The following NTN1 variants were observed in gnomAD, a reference collection of about 807,000 sequenced individuals.
NTN1 encodes the protein netrin-1.
A neutral mutation model predicts 54.2 loss-of-function variants in NTN1; 11 were observed. That is an observed-to-expected ratio of 0.20 (90% CI 0.13 to 0.34). NTN1 has a LOEUF of 0.34. Ranked by LOEUF, NTN1 falls within the 10% of genes least tolerant of loss-of-function variation. The probability of loss-of-function intolerance (pLI) is 1.00; values close to 1 mark genes in which losing one functional copy is unlikely to be tolerated. For missense variants in NTN1, 740 were observed against 893.1 expected, an observed-to-expected ratio of 0.83 and a Z score of 2.18; for synonymous variants, 371 against 382.0, an observed-to-expected ratio of 0.97 and a Z score of 0.33.
Position 9,239,731 on chromosome 17 carries a change from C to A in NTN1, c.1578C>A (p.Ser526Arg). 1 of 1,613,680 alleles carries A rather than the reference C, an allele frequency of 6.2e-7. No individual in the cohort carries two copies. The highest frequency in any genetic ancestry group is 8.5e-7 in the Non-Finnish European group (1 of 1,180,028). Reference protein sequence around the residue: ...NIISVYKQGTSRIRRGDQSLW... With the variant: ...NIISVYKQGTRRIRRGDQSLW... ...TCTCCGTGTATAAGCAGGGCACGAG[C>A]CGCATCCGCCGCGGTGACCAGAGCC... Residue 526 changes from serine (S) to arginine (R), a missense_variant, in exon 7 of 7, where the codon AGC (serine) becomes AGA (arginine). Transcript: ENST00000173229. This position sits in a 1 kb window ranked among gnomAD's most constrained non-coding sequence, Gnocchi z 5.2.
intron 2 of NTN1, among the ~76,000 whole-genome samples, chr17:9,068,058 C>G (rs16957850): frequency 0.057 from 8,648 of 152,226 alleles, 822 homozygotes; most frequent in African/African-American, 0.2. Context: ...GCCTTAGGGC[C>G]TCCCAGAATG....
In NTN1 at chr17:9,064,645, GACATCATTC is replaced by G. The variant is rs111508836; in HGVS notation, c.1018+41267_1018+41275del. 1.2e-3 allele frequency among the ~76,000 whole-genome samples: 178 copies of G among 152,292 alleles called. 2 individuals carry two copies. Among genetic ancestry groups the G allele is most frequent in the African/African-American group, 4.2e-3 (174 of 41,552 alleles). On this transcript the variant is annotated intron_variant, in intron 2 of 6. Coordinates refer to ENST00000173229, the MANE Select transcript of NTN1 (RefSeq NM_004822.3). The stretch of plus-strand genomic sequence containing the variant: ...ACACATCGTTCATAGTGTATTTCAT[GACATCATTC>G]ACATCATTCACACTGCCGAGTCACC...
rs1451009318 is a variant in NTN1 at position 9,221,370 on chromosome 17, G to A, written c.1486+128G>A. The A allele has an allele frequency of 4.1e-6, 3 of 739,470 alleles. No homozygotes were observed. The highest frequency in any genetic ancestry group is 7.3e-6 in the Non-Finnish European group (3 of 410,906). 45.8% of individuals were successfully genotyped at this position (739,470 alleles called of 1,614,324 possible). A position where few individuals can be genotyped will look rare whatever the true frequency, so the allele number is the denominator to read the frequency against. On this transcript the variant is annotated intron_variant, in intron 6 of 6. Transcript: ENST00000173229. The surrounding 1 kb of genome is among the most constrained non-coding windows in gnomAD (Gnocchi z 4.5). ...AAGACCCTGTGACCGATGGGAACTA[G>A]CCGGACGGATCCCACGCCTGGGAAT...
intron 2 of NTN1, among the ~76,000 whole-genome samples, chr17:9,029,411 CAG>C (rs2091881875): frequency 6.6e-6 from 1 of 152,144 alleles, no homozygotes. Context: ...CTGTTGCATG[CAG>C]AGAGAGCAGG....
At chr17:9,059,791 T>C (rs1443638417) in intron 2 of NTN1, among the ~76,000 whole-genome samples, 1 of 149,746 alleles carries the variant, frequency 6.7e-6, no homozygotes, top group African/African-American at 2.5e-5. Flanking sequence ...CTATTTTAAA[T>C]GACTCATTTT....
At chr17:9,068,276 G>A (rs1275257005) in intron 2 of NTN1, among the ~76,000 whole-genome samples, 1 of 152,082 alleles carries the variant, frequency 6.6e-6, no homozygotes. Flanking sequence ...TGACCTCCCA[G>A]GCTTAAGTGA....
In NTN1 at chr17:9,182,937, C is replaced by T. The variant is rs201647422; in HGVS notation, c.1379C>T (p.Thr460Met). Residue 460 changes from threonine to methionine, a missense_variant, in exon 5 of 7, where the codon ACG becomes ATG. By Grantham distance (81) the Thr-to-Met change is moderately conservative. Coordinates refer to ENST00000173229, the MANE Select transcript of NTN1 (RefSeq NM_004822.3). ...AAAGAGATCCCTGTAGCGCCGCCGA[C>T]GACTGCAGCCAGCAGCGTGGAGGAG... is the stretch of plus-strand genomic sequence containing the variant. ...PCIKIPVAPP[T>M]TAASSVEEPE... The T allele has an allele frequency of 1.2e-5, 19 of 1,614,120 alleles. No individual in the cohort carries two copies. Among genetic ancestry groups the T allele is most frequent in the Middle Eastern group, 1.6e-4 (1 of 6,062 alleles).
At chr17:9,098,876 T>C (rs1342683861) in intron 2 of NTN1, among the ~76,000 whole-genome samples, 1 of 152,254 alleles carries the variant, frequency 6.6e-6, no homozygotes, top group Non-Finnish European at 1.5e-5. Flanking sequence ...TTTAGAAATT[T>C]AAGAAAATAT....
intron 2 of NTN1, among the ~76,000 whole-genome samples, chr17:9,103,499 CT>C (rs932242328): frequency 6.6e-6 from 1 of 152,032 alleles, no homozygotes; most frequent in Non-Finnish European, 1.5e-5. Context: ...GGGCTTTTCT[CT>C]CCCTTCAGTC....
In NTN1 at chr17:9,182,864, G is replaced by A. The variant is rs554275814; in HGVS notation, c.1358-52G>A. 4.0e-5 allele frequency: 64 copies of A among 1,585,114 alleles called. No homozygotes were observed. In the East Asian group the frequency reaches 9.4e-4, roughly 23 times the overall value. On this transcript the variant is annotated intron_variant, in intron 4 of 6. Coordinates refer to ENST00000173229, the MANE Select transcript of NTN1 (RefSeq NM_004822.3). ...CATTCTAAAGTCAAAAAATCATGTCGTCTTACCTTGTTTTCTCTCCTCCCC... is the reference window on the plus strand; with the variant it reads ...CATTCTAAAGTCAAAAAATCATGTCATCTTACCTTGTTTTCTCTCCTCCCC...
chr17:9,094,988 C>CA (rs71135941), intron 2 of NTN1, among the ~76,000 whole-genome samples: 13,813 of 99,518 alleles, frequency 0.14, 996 homozygotes, highest in Non-Finnish European at 0.15. Context: ...GACTCCGTCT[C>CA]AAAAAAAAAA....
intron 2 of NTN1, among the ~76,000 whole-genome samples, chr17:9,144,201 C>A (rs975532455): frequency 2.0e-5 from 3 of 151,864 alleles, no homozygotes; most frequent in Non-Finnish European, 2.9e-5. Context: ...CGGCCGTTAC[C>A]GTCTTTTATA....
chr17:9,100,044 G>A (rs1233171080), intron 2 of NTN1, among the ~76,000 whole-genome samples: 1 of 151,200 alleles, frequency 6.6e-6, no homozygotes, highest in Non-Finnish European at 1.5e-5. Context: ...GAACTTCTGA[G>A]CTCAAATGAT....
chr17:9,217,042 T>A (rs1454852287), intron 5 of NTN1, among the ~76,000 whole-genome samples: 3 of 141,610 alleles, frequency 2.1e-5, no homozygotes, highest in Non-Finnish European at 4.8e-5. Context: ...CATGACTCCG[T>A]CTCAAAAAAA....
chr17:9,238,965 G>A (rs1022687895), intron 6 of NTN1, among the ~76,000 whole-genome samples: 1 of 152,212 alleles, frequency 6.6e-6, no homozygotes, highest in African/African-American at 2.4e-5. Context: ...CCTTCTACTA[G>A]GGAAAATACT....
At chr17:9,229,611 G>A (rs1225072130) in intron 6 of NTN1, among the ~76,000 whole-genome samples, 1 of 151,764 alleles carries the variant, frequency 6.6e-6, no homozygotes, top group Non-Finnish European at 1.5e-5. Flanking sequence ...ATGAGCCTTG[G>A]AGGAGAGACC....
intron 2 of NTN1, among the ~76,000 whole-genome samples, chr17:9,077,893 G>T (rs755987582): frequency 2.6e-5 from 4 of 152,150 alleles, no homozygotes; most frequent in African/African-American, 9.7e-5. Flanking sequence ...GCTTATGGGG[G>T]TCCTGGGCTC....
At chr17:9,237,722 G>A (rs1035944792) in intron 6 of NTN1, among the ~76,000 whole-genome samples, 1 of 152,192 alleles carries the variant, frequency 6.6e-6, no homozygotes, top group Non-Finnish European at 1.5e-5. Context: ...AGAGGAAAGC[G>A]GGGCTCTCAG....
intron 2 of NTN1, among the ~76,000 whole-genome samples, chr17:9,115,568 G>A (rs1041676161): frequency 6.6e-6 from 1 of 152,220 alleles, no homozygotes; most frequent in African/African-American, 2.4e-5. Flanking sequence ...CTCCCACTGT[G>A]TGCACTGGAG....
Sources: allele counts gnomAD v4.1 joint callset (sites outside exome capture counted in the v4.1 genomes callset), GRCh38; gene constraint gnomAD v4.1.1; non-coding constraint Gnocchi (gnomAD v3.1); transcripts MANE v1.5; gene names NCBI Gene and HGNC (gene_info 2026-07-23, HGNC 2026-07-21).